Variants in MSRB2 observed in about 807,000 individuals in gnomAD.
The protein encoded by MSRB2 is methionine-R-sulfoxide reductase B2, mitochondrial.
In MSRB2, 17 loss-of-function variants were observed where a neutral mutation model predicts 19.0. That is an observed-to-expected ratio of 0.89 (90% CI 0.61 to 1.34). MSRB2 has a LOEUF of 1.34. Among genes scored for constraint, MSRB2 ranks in the 40% most tolerant of loss-of-function variants. The probability of loss-of-function intolerance (pLI) is 0.00; values close to 1 mark genes in which losing one functional copy is unlikely to be tolerated. For synonymous variants in MSRB2, 107 were observed against 99.7 expected (o/e 1.07, Z -0.44); for missense variants, 208 against 237.6 (o/e 0.88, Z 0.82).
Position 23,110,466 on chromosome 10 carries a change from G to A in MSRB2, c.296+148G>A, listed in dbSNP as rs1176179473. ...TTCTCATTTTGCATTGTTGCTGTAAGGAGAGCTATTCATATAAGATACTTG... is the reference window on the plus strand; with the variant it reads ...TTCTCATTTTGCATTGTTGCTGTAAAGAGAGCTATTCATATAAGATACTTG... On this transcript the variant is annotated intron_variant, in intron 3 of 4. Coordinates refer to ENST00000376510, the MANE Select transcript of MSRB2 (RefSeq NM_012228.4). 3 of 652,134 alleles carry A rather than the reference G, an allele frequency of 4.6e-6. No individual in the cohort carries two copies. The East Asian group carries it at 8.4e-5, about 18-fold the overall frequency. The allele number at this position is 652,134 out of a possible 1,614,324, so 40.4% of individuals were successfully genotyped here.
intron 1 of MSRB2, among the ~76,000 whole-genome samples, chr10:23,101,367 C>T (rs1839924708): frequency 6.6e-6 from 1 of 152,158 alleles, no homozygotes; most frequent in Non-Finnish European, 1.5e-5. Flanking sequence ...GAGTAGTATT[C>T]CATAGTCTAT....
In MSRB2 at chr10:23,095,690, G is replaced by T; in HGVS notation, c.82G>T (p.Gly28Cys). Residue 28 changes from glycine to cysteine, a missense_variant, in exon 1 of 5, where the codon GGC (glycine) becomes TGC (cysteine). By Grantham distance (159) the Gly-to-Cys change is radical (BLOSUM62 -3). Coordinates refer to ENST00000376510, the MANE Select transcript of MSRB2 (RefSeq NM_012228.4). ...RRAVRGQAGGGGPGTGPGLGE... is the reference protein window; with the variant it reads ...RRAVRGQAGGCGPGTGPGLGE... ...GGCGGTGCGGGGCCAAGCGGGCGGC[G>T]GCGGGCCCGGCACCGGGCCGGGACT... The T allele has an allele frequency of 7.6e-7, 1 of 1,318,596 alleles. No homozygotes were observed. The highest frequency in any genetic ancestry group is 2.1e-5 in the South Asian group (1 of 46,832). 81.7% of individuals were successfully genotyped at this position (1,318,596 alleles called of 1,614,324 possible).
At chr10:23,111,550 G>A (rs1048091219) in intron 3 of MSRB2, among the ~76,000 whole-genome samples, 6 of 152,246 alleles carry the variant, frequency 3.9e-5, no homozygotes, top group Middle Eastern at 3.4e-3. Flanking sequence ...TTGATGTTCC[G>A]GTTTCTGCAT....
chr10:23,108,204 C>T (rs1393110117), intron 2 of MSRB2, among the ~76,000 whole-genome samples: 21 of 151,716 alleles, frequency 1.4e-4, no homozygotes, highest in Non-Finnish European at 2.4e-4. Flanking sequence ...GTGATCCACC[C>T]GCCTTGGCCT....
At chr10:23,108,542 C>T (rs563038616) in intron 2 of MSRB2, among the ~76,000 whole-genome samples, 1 of 146,982 alleles carries the variant, frequency 6.8e-6, no homozygotes, top group African/African-American at 2.5e-5. Context: ...GTGGCACAAT[C>T]TCGGCTCACT....
chr10:23,104,382 G>A (rs918636107), intron 2 of MSRB2, 138 bp downstream of exon 2: 5 of 602,466 alleles, frequency 8.3e-6, no homozygotes, highest in African/African-American at 5.8e-5. Context: ...TGCCCTTCTC[G>A]GGGTGTTGAT....
chr10:23,104,776 C>G (rs146741941), intron 2 of MSRB2, among the ~76,000 whole-genome samples: 1 of 152,096 alleles, frequency 6.6e-6, no homozygotes, highest in South Asian at 2.1e-4. Flanking sequence ...CACCCTTGAG[C>G]TCTCACATGC....
At chr10:23,116,316 C>A (rs903488325) in intron 3 of MSRB2, among the ~76,000 whole-genome samples, 14 of 152,116 alleles carry the variant, frequency 9.2e-5, no homozygotes, top group Non-Finnish European at 1.6e-4. Flanking sequence ...GAGCTCCCAG[C>A]CAAGAGCAGA....
rs753663541 is a variant in MSRB2 at position 23,104,115 on chromosome 10, A to T, written c.119-29A>T. 7 of 1,585,248 alleles carry T rather than the reference A, an allele frequency of 4.4e-6. No homozygotes were observed. In the Admixed American group the frequency reaches 5.5e-5, roughly 12 times the overall value. On this transcript the variant is annotated intron_variant, in intron 1 of 4. Transcript: ENST00000376510. Reference sequence around the variant, plus strand: ...AAGTCCATCAGGCATTTTTGTTTTAATTTTTAAAATTCCTGTTTAACAATA... The same window carrying T: ...AAGTCCATCAGGCATTTTTGTTTTATTTTTTAAAATTCCTGTTTAACAATA...
At chr10:23,097,132 C>T (rs764768735) in intron 1 of MSRB2, among the ~76,000 whole-genome samples, 4 of 152,208 alleles carry the variant, frequency 2.6e-5, no homozygotes, top group African/African-American at 7.2e-5. Flanking sequence ...TGGAAACTGG[C>T]TGTAACCCAA....
At chr10:23,116,579 G>A (rs960701620) in intron 3 of MSRB2, among the ~76,000 whole-genome samples, 3 of 152,204 alleles carry the variant, frequency 2.0e-5, no homozygotes, top group Admixed American at 2.0e-4. Context: ...GCCCACAAGT[G>A]CACAGCCTCT....
intron 1 of MSRB2, among the ~76,000 whole-genome samples, chr10:23,099,170 C>A (rs947981030): frequency 6.6e-6 from 1 of 152,142 alleles, no homozygotes; most frequent in Non-Finnish European, 1.5e-5. Flanking sequence ...TGGAAGTTGG[C>A]GGGCAGGGAG....
chr10:23,114,368 A>C (rs968633896), intron 3 of MSRB2, among the ~76,000 whole-genome samples: 2 of 151,404 alleles, frequency 1.3e-5, no homozygotes, highest in Admixed American at 6.6e-5. Flanking sequence ...AAAAAAAAAA[A>C]GCTGTGATTA....
chr10:23,112,275 A>G (rs1440213136), intron 3 of MSRB2, among the ~76,000 whole-genome samples: 2 of 152,228 alleles, frequency 1.3e-5, no homozygotes, highest in Non-Finnish European at 2.9e-5. Context: ...AGGAAATAAT[A>G]TATTCCTGAA....
intron 1 of MSRB2, among the ~76,000 whole-genome samples, chr10:23,102,571 C>A (rs1294788578): frequency 6.6e-6 from 1 of 152,132 alleles, no homozygotes; most frequent in Non-Finnish European, 1.5e-5. Context: ...GTGTCCTTTC[C>A]AGAGCATCAC....
chr10:23,119,078 G>A (rs993912249), intron 3 of MSRB2: 1 of 653,730 alleles, frequency 1.5e-6, no homozygotes, highest in Admixed American at 2.1e-5. Context: ...GAAGTCTTTA[G>A]CATCAAAGGA....
intron 1 of MSRB2, among the ~76,000 whole-genome samples, chr10:23,100,527 T>C (rs1243967429): frequency 6.6e-6 from 1 of 152,138 alleles, no homozygotes; most frequent in African/African-American, 2.4e-5. Context: ...ACAGGAAGCA[T>C]GGCTGGGGAG....
intron 1 of MSRB2, among the ~76,000 whole-genome samples, chr10:23,096,760 TA>T (rs1422800927): frequency 1.3e-5 from 2 of 152,242 alleles, no homozygotes; most frequent in African/African-American, 4.8e-5. Context: ...CTGGTGTCTC[TA>T]GTCAGTCTGA....
At chr10:23,098,361 C>G (rs896683607) in intron 1 of MSRB2, among the ~76,000 whole-genome samples, 4 of 152,136 alleles carry the variant, frequency 2.6e-5, no homozygotes, top group Admixed American at 1.3e-4. Flanking sequence ...ATGAAAAAAT[C>G]GAGGCCCACC....
Sources: allele counts gnomAD v4.1 joint callset (sites outside exome capture counted in the v4.1 genomes callset), GRCh38; gene constraint gnomAD v4.1.1; transcripts MANE v1.5; gene names NCBI Gene and HGNC (gene_info 2026-07-23, HGNC 2026-07-21).